IPMK: variants seen among roughly 807,000 people sequenced by gnomAD.
The protein encoded by IPMK is inositol 1,3,4,6-tetrakisphosphate 5-kinase.
IPMK carries 17 observed loss-of-function variants against 45.8 expected under a neutral mutation model. That is an observed-to-expected ratio of 0.37 (90% CI 0.25 to 0.56). IPMK has a LOEUF of 0.56. Among genes scored for constraint, IPMK ranks in the 20% least tolerant of loss-of-function variants. The pLI is 0.79. For synonymous variants in IPMK, 180 were observed against 184.3 expected (o/e 0.98, Z 0.19); for missense variants, 399 against 498.0 (o/e 0.80, Z 1.89).
chr10:58,222,388 G>T (rs1460272164), intron 3 of IPMK, among the ~76,000 whole-genome samples: 1 of 152,086 alleles, frequency 6.6e-6, no homozygotes, highest in South Asian at 2.1e-4. Context: ...TCTCATAGAC[G>T]TGTGTGTATC....
chr10:58,194,668 A>G lies in IPMK; in HGVS notation c.*1408T>C, dbSNP rs923682076. On this transcript the variant is annotated 3_prime_UTR_variant, in exon 6 of 6. Transcript: ENST00000373935. ...GCTCGGATTTAAAAATTCAATTTGT[A>G]ACTCCAGAAGAAAAAGAGGAGAAAG... 4.6e-5 allele frequency: 7 copies of G among 151,978 alleles called. No homozygotes were observed. Among genetic ancestry groups the G allele is most frequent in the African/African-American group, 1.7e-4 (7 of 41,450 alleles). The allele number at this position is 151,978 out of a possible 1,614,324, so 9.4% of individuals were successfully genotyped here.
At chr10:58,242,304 A>T (rs191083714) in intron 1 of IPMK, among the ~76,000 whole-genome samples, 87 of 151,872 alleles carry the variant, frequency 5.7e-4, no homozygotes, top group Admixed American at 1.3e-4. Context: ...AAAAATACAT[A>T]AAAAAATTAG....
At chr10:58,221,136 T>C (rs985936411) in intron 3 of IPMK, among the ~76,000 whole-genome samples, 4 of 152,216 alleles carry the variant, frequency 2.6e-5, no homozygotes, top group African/African-American at 4.8e-5. Flanking sequence ...AGAATACTTA[T>C]ATGTAATAAA....
chr10:58,234,545 G>A (rs1488119395), intron 2 of IPMK, among the ~76,000 whole-genome samples: 2 of 152,100 alleles, frequency 1.3e-5, no homozygotes, highest in African/African-American at 4.8e-5. Flanking sequence ...TGACAAACCT[G>A]ACAAAAACAA....
intron 1 of IPMK, among the ~76,000 whole-genome samples, chr10:58,253,753 A>G (rs12217555): frequency 2.1e-5 from 2 of 94,846 alleles, no homozygotes; most frequent in East Asian, 3.8e-4. Context: ...AAAAAAAAGA[A>G]AAAAAAAGAA....
At chr10:58,211,968 T>C (rs530753449) in intron 4 of IPMK, among the ~76,000 whole-genome samples, 1 of 150,136 alleles carries the variant, frequency 6.7e-6, no homozygotes, top group East Asian at 2.0e-4. Flanking sequence ...AGAGGGATAA[T>C]GAGTGTGTCA....
chr10:58,217,580 C>T (rs1320016175), intron 3 of IPMK, among the ~76,000 whole-genome samples: 4 of 147,788 alleles, frequency 2.7e-5, no homozygotes, highest in Non-Finnish European at 4.4e-5. Context: ...CCCAACTACT[C>T]GGGAGGCTGA....
intron 4 of IPMK, among the ~76,000 whole-genome samples, chr10:58,208,497 CTG>C (rs1838105942): frequency 6.6e-6 from 1 of 152,020 alleles, no homozygotes; most frequent in Non-Finnish European, 1.5e-5. Flanking sequence ...TTTGATTTGA[CTG>C]TTTTTTATTT....
intron 1 of IPMK, among the ~76,000 whole-genome samples, chr10:58,253,601 G>A (rs1838917473): frequency 6.6e-6 from 1 of 151,868 alleles, no homozygotes; most frequent in Admixed American, 6.6e-5. Context: ...AGCTGGGCAT[G>A]GTGGCATGCA....
At chr10:58,201,224 T>C (rs1837993156) in intron 4 of IPMK, among the ~76,000 whole-genome samples, 1 of 152,182 alleles carries the variant, frequency 6.6e-6, no homozygotes, top group Non-Finnish European at 1.5e-5. Flanking sequence ...GTATACCTCA[T>C]TTTATTGTGT....
chr10:58,232,299 C>T (rs970062646), intron 2 of IPMK, among the ~76,000 whole-genome samples: 1 of 152,134 alleles, frequency 6.6e-6, no homozygotes, highest in African/African-American at 2.4e-5. Context: ...ATAAGGATAT[C>T]CAGGAGTTGA....
chr10:58,196,754 G>T, intron 5 of IPMK, 56 bp from the exon 6 acceptor site: 1 of 1,188,900 alleles, frequency 8.4e-7, no homozygotes, highest in Non-Finnish European at 1.2e-6. Flanking sequence ...CTATTATTTG[G>T]GAAGTAAACT....
chr10:58,222,474 C>T (rs1026009377), intron 3 of IPMK, among the ~76,000 whole-genome samples: 9 of 152,086 alleles, frequency 5.9e-5, no homozygotes, highest in African/African-American at 1.4e-4. Context: ...GAAGTGAGTC[C>T]TGCAGAAGTC....
At chr10:58,246,820 A>C (rs1838808203) in intron 1 of IPMK, among the ~76,000 whole-genome samples, 1 of 152,062 alleles carries the variant, frequency 6.6e-6, no homozygotes, top group South Asian at 2.1e-4. Flanking sequence ...TAATTAAAAT[A>C]AAGAGCTTCT....
intron 1 of IPMK, among the ~76,000 whole-genome samples, chr10:58,246,602 T>C (rs1239869656): frequency 1.5e-5 from 2 of 132,238 alleles, no homozygotes; most frequent in East Asian, 2.3e-4. Context: ...GCTAGCCATA[T>C]GTAGAAAGCT....
At chr10:58,260,324 A>G (rs1219359784) in intron 1 of IPMK, among the ~76,000 whole-genome samples, 1 of 152,236 alleles carries the variant, frequency 6.6e-6, no homozygotes, top group Non-Finnish European at 1.5e-5. Flanking sequence ...GTAACAACGA[A>G]ATGCAATGTG....
chr10:58,243,423 G>A (rs574621900), intron 1 of IPMK, among the ~76,000 whole-genome samples: 24 of 152,312 alleles, frequency 1.6e-4, no homozygotes, highest in African/African-American at 4.3e-4. Context: ...AGCCTGGACC[G>A]TACTGCCATG....
rs1353281385 is a variant in IPMK at position 58,267,670 on chromosome 10, G to A, written c.-59C>T. 6 of 1,113,012 alleles carry A rather than the reference G, an allele frequency of 5.4e-6. No homozygotes were observed. The highest frequency in any genetic ancestry group is 3.1e-5 in the African/African-American group (2 of 64,586). 68.9% of individuals were successfully genotyped at this position (1,113,012 alleles called of 1,614,324 possible). A position where few individuals can be genotyped will look rare whatever the true frequency, so the allele number is the denominator to read the frequency against. On this transcript the variant is annotated 5_prime_UTR_variant, in exon 1 of 6. Coordinates refer to ENST00000373935, the MANE Select transcript of IPMK (RefSeq NM_152230.5). ...TAGGAAAAAAAATAGGGCGAGGGAG[G>A]GGGCGCCGGAGAACCCGAGGGTCGC...
Position 58,195,416 on chromosome 10 carries a change from A to G in IPMK, c.*660T>C, listed in dbSNP as rs1441846802. The G allele has an allele frequency of 2.6e-5, 4 of 152,066 alleles. No homozygotes were observed. Among genetic ancestry groups the G allele is most frequent in the Non-Finnish European group, 5.9e-5 (4 of 67,962 alleles). The allele number at this position is 152,066 out of a possible 1,614,324, so 9.4% of individuals were successfully genotyped here. ...CAATTAGTGTGCCCTTAATTTCAAG[A>G]CTTTGTTGTTGTCATCCACATCAAT... On this transcript the variant is annotated 3_prime_UTR_variant, in exon 6 of 6. Transcript: ENST00000373935.
Sources: gnomAD v4.1 joint callset for allele counts (sites outside exome capture counted in the v4.1 genomes callset) on GRCh38, gnomAD v4.1.1 for gene constraint, MANE v1.5 for transcripts, NCBI Gene and HGNC (gene_info 2026-07-23, HGNC 2026-07-21) for gene names.